CECR2: variants seen among roughly 807,000 people sequenced by gnomAD.
CECR2 encodes chromatin remodeling regulator CECR2.
A neutral mutation model predicts 154.5 loss-of-function variants in CECR2; 30 were observed. That is an observed-to-expected ratio of 0.19 (90% CI 0.15 to 0.26). CECR2 has a LOEUF of 0.26. CECR2 is among the 10% of genes least tolerant of loss of function. The pLI, the probability that CECR2 is intolerant of heterozygous loss-of-function variation, is 1.00. For synonymous variants in CECR2, 725 were observed against 683.7 expected, an observed-to-expected ratio of 1.06 and a Z score of -0.94; for missense variants, 1,743 against 1,829.3, an observed-to-expected ratio of 0.95 and a Z score of 0.86.
At position 17,541,922 on chromosome 22, in the gene CECR2, A is replaced by G. The variant is rs373250131; in HGVS notation, c.1968A>G (p.Pro656=). The G allele has an allele frequency of 6.2e-6, 10 of 1,613,820 alleles. No homozygotes were observed. The highest frequency in any genetic ancestry group is 8.5e-6 in the Non-Finnish European group (10 of 1,179,876). ...ATGGCTCCTCTGGAGTCCCGGAGCCACACCCCGGGGAGCCTGTGCAGCAGC... is the reference window on the plus strand; with the variant it reads ...ATGGCTCCTCTGGAGTCCCGGAGCCGCACCCCGGGGAGCCTGTGCAGCAGC... ...TLYGSSGVPE[P]HPGEPVQQRQ... The change falls in exon 15 of 19, where the codon CCA becomes CCG. Residue 656 remains proline, a synonymous_variant. Transcript: ENST00000262608.
At position 17,556,056 on chromosome 22, in the gene CECR2, T is replaced by G. The variant is rs2146176352; in HGVS notation, c.*3216T>G. The G allele has an allele frequency of 6.6e-6, 1 of 152,316 alleles. No individual in the cohort carries two copies. Among genetic ancestry groups the G allele is most frequent in the African/African-American group, 2.4e-5 (1 of 41,576 alleles). The allele number at this position is 152,316 out of a possible 1,614,324, so 9.4% of individuals were successfully genotyped here. A position where few individuals can be genotyped will look rare whatever the true frequency, so the allele number is the denominator to read the frequency against. ...TTAAAAGGTAGCAGGAGCTATTGGC[T>G]GAAATTTGTTACAGTGAATGAATGT... On this transcript the variant is annotated 3_prime_UTR_variant, in exon 19 of 19. Transcript: ENST00000262608.
At chr22:17,552,163 G>T in intron 18 of CECR2, 21 bp downstream of exon 18, 1 of 1,600,564 alleles carries the variant, frequency 6.2e-7, no homozygotes, top group Non-Finnish European at 8.6e-7. Flanking sequence ...CTAAAAATTA[G>T]AGCTGTTCTT....
chr22:17,405,861 A>G (rs966979211), intron 1 of CECR2, among the ~76,000 whole-genome samples: 16 of 152,206 alleles, frequency 1.1e-4, no homozygotes, highest in African/African-American at 3.9e-4. Flanking sequence ...TCTTTTTCTT[A>G]CCTTAGTGCA....
Position 17,542,360 on chromosome 22 carries a change from G to A in CECR2, c.2217G>A (p.Gly739=), listed in dbSNP as rs577436307. ...FQPGFIPPRH[G]GAPARPPDFP... is the part of the protein sequence containing the mutation. ...CAGGATTCATTCCTCCCCGGCATGG[G>A]GGGGCTCCAGCCCGGCCACCAGACT... is the stretch of plus-strand genomic sequence containing the variant. The change falls in exon 16 of 19, where the codon GGG becomes GGA. Residue 739 remains glycine (G), a synonymous_variant. Transcript: ENST00000262608. The A allele has an allele frequency of 6.2e-7, 1 of 1,613,820 alleles. No individual in the cohort carries two copies. Among genetic ancestry groups the A allele is most frequent in the Admixed American group, 1.7e-5 (1 of 60,020 alleles).
chr22:17,465,496 T>C (rs2055016128), intron 1 of CECR2, among the ~76,000 whole-genome samples: 1 of 151,594 alleles, frequency 6.6e-6, no homozygotes, highest in African/African-American at 2.4e-5. Context: ...GTTTTTTTCC[T>C]TTTTTTGAGA....
intron 1 of CECR2, among the ~76,000 whole-genome samples, chr22:17,383,953 G>T (rs1288151144): frequency 6.6e-6 from 1 of 152,142 alleles, no homozygotes; most frequent in African/African-American, 2.4e-5. Context: ...GATTACAGGT[G>T]TGAGCTACTG....
At chr22:17,472,195 C>T (rs1335694261) in intron 1 of CECR2, among the ~76,000 whole-genome samples, 1 of 152,202 alleles carries the variant, frequency 6.6e-6, no homozygotes, top group African/African-American at 2.4e-5. Flanking sequence ...TAGCTGGTTT[C>T]AGGTCCCTCA....
At chr22:17,362,850 C>T (rs7288033) in intron 1 of CECR2, among the ~76,000 whole-genome samples, 1 of 142,732 alleles carries the variant, frequency 7.0e-6, no homozygotes, top group African/African-American at 2.6e-5. Flanking sequence ...TGCAGTGAGC[C>T]GAGATTGTGC....
At chr22:17,451,445 G>A (rs747861044) in intron 1 of CECR2, among the ~76,000 whole-genome samples, 8 of 152,176 alleles carry the variant, frequency 5.3e-5, no homozygotes, top group Non-Finnish European at 1.0e-4. Context: ...TGAATGCATA[G>A]CTCAAGGGGA....
intron 1 of CECR2, among the ~76,000 whole-genome samples, chr22:17,463,961 G>A (rs2054986162): frequency 6.6e-6 from 1 of 152,062 alleles, no homozygotes; most frequent in South Asian, 2.1e-4. Context: ...GTGGTGGGTG[G>A]GTGTGTCCTG....
chr22:17,474,657 G>A (rs931881219), intron 1 of CECR2, among the ~76,000 whole-genome samples: 4 of 152,250 alleles, frequency 2.6e-5, no homozygotes. Context: ...AGAAGAGGAT[G>A]TCTGTGTGCC....
At chr22:17,476,189 G>T (rs1196323962) in intron 1 of CECR2, among the ~76,000 whole-genome samples, 1 of 150,082 alleles carries the variant, frequency 6.7e-6, no homozygotes, top group African/African-American at 2.5e-5. Context: ...AATCTCCCAG[G>T]CTTCCACAGC....
At chr22:17,396,797 T>C (rs1264007997) in intron 1 of CECR2, among the ~76,000 whole-genome samples, 1 of 152,162 alleles carries the variant, frequency 6.6e-6, no homozygotes, top group Non-Finnish European at 1.5e-5. Flanking sequence ...ACTGTTAGTA[T>C]AGAATGAACA....
intron 1 of CECR2, among the ~76,000 whole-genome samples, chr22:17,431,839 T>C (rs1393168490): frequency 6.6e-6 from 1 of 152,188 alleles, no homozygotes; most frequent in Non-Finnish European, 1.5e-5. Flanking sequence ...ATTTGAAGTA[T>C]ACAGTTCAGT....
intron 1 of CECR2, among the ~76,000 whole-genome samples, chr22:17,453,112 A>G (rs997580493): frequency 6.6e-6 from 1 of 152,158 alleles, no homozygotes; most frequent in Non-Finnish European, 1.5e-5. Flanking sequence ...AATTTTACCT[A>G]TGGCTGTATA....
intron 1 of CECR2, among the ~76,000 whole-genome samples, chr22:17,467,444 C>T (rs903366407): frequency 1.3e-5 from 2 of 152,090 alleles, no homozygotes; most frequent in South Asian, 2.1e-4. Flanking sequence ...GCTTACTTCC[C>T]GAGCAGATTC....
Position 17,557,165 on chromosome 22 carries a change from T to TG in CECR2, c.*4326dup, listed in dbSNP as rs2056783025. The TG allele has an allele frequency of 6.9e-6, 1 of 145,548 alleles. No individual in the cohort carries two copies. Among genetic ancestry groups the TG allele is most frequent in the African/African-American group, 2.7e-5 (1 of 37,192 alleles). The allele number at this position is 145,548 out of a possible 1,614,324, so 9.0% of individuals were successfully genotyped here. A position where few individuals can be genotyped will look rare whatever the true frequency, so the allele number is the denominator to read the frequency against. Reference sequence around the variant, plus strand: ...CTTTTCTTTTTTTTTTTTTTTTTTTTGAGACGAAATCTTGCTCTTGTCCCC... The same window carrying TG: ...CTTTTCTTTTTTTTTTTTTTTTTTTTGGAGACGAAATCTTGCTCTTGTCCCC... On this transcript the variant is annotated 3_prime_UTR_variant, in exon 19 of 19. Coordinates refer to ENST00000262608, the MANE Select transcript of CECR2 (RefSeq NM_001290047.2).
intron 1 of CECR2, among the ~76,000 whole-genome samples, chr22:17,404,455 G>A (rs2053949971): frequency 2.8e-5 from 3 of 107,996 alleles, no homozygotes; most frequent in Admixed American, 1.0e-4. Context: ...CTCACTGCAA[G>A]CTCCGCCTCT....
At chr22:17,384,736 T>C (rs1259282469) in intron 1 of CECR2, among the ~76,000 whole-genome samples, 1 of 152,254 alleles carries the variant, frequency 6.6e-6, no homozygotes, top group African/African-American at 2.4e-5. Flanking sequence ...GAGTGAGCAC[T>C]GGCTTCCAGT....
Sources: allele counts gnomAD v4.1 joint callset (sites outside exome capture counted in the v4.1 genomes callset), GRCh38; gene constraint gnomAD v4.1.1; transcripts MANE v1.5; gene names NCBI Gene and HGNC (gene_info 2026-07-23, HGNC 2026-07-21).